Variants in ZHX2 observed in about 807,000 individuals in gnomAD.
ZHX2 encodes zinc fingers and homeoboxes protein 2.
A neutral mutation model predicts 21.9 loss-of-function variants in ZHX2; 6 were observed. The observed-to-expected ratio is 0.27, with a 90% CI of 0.15 to 0.54. The LOEUF is 0.54. Ranked by LOEUF, ZHX2 falls within the 20% of genes least tolerant of loss-of-function variation. The pLI is 0.95. For synonymous variants in ZHX2, 434 were observed against 437.1 expected (o/e 0.99, Z 0.09); for missense variants, 908 against 1,090.7 (o/e 0.83, Z 2.36).
chr8:122,946,548 T>C (rs987694889), intron 2 of ZHX2, among the ~76,000 whole-genome samples: 1 of 152,140 alleles, frequency 6.6e-6, no homozygotes, highest in Non-Finnish European at 1.5e-5. Context: ...ATTTTACCAC[T>C]ATTCACCTCA....
intron 2 of ZHX2, among the ~76,000 whole-genome samples, chr8:122,865,191 C>G (rs1330169226): frequency 6.6e-6 from 1 of 151,372 alleles, no homozygotes; most frequent in South Asian, 2.1e-4. Flanking sequence ...TGCAGTGGCA[C>G]GATCTCTGCT....
intron 1 of ZHX2, among the ~76,000 whole-genome samples, chr8:122,805,573 G>A (rs1054953392): frequency 3.3e-5 from 5 of 152,304 alleles, no homozygotes; most frequent in East Asian, 1.9e-4. Flanking sequence ...TTTAAAAGTC[G>A]TCAGTCCCAC....
intron 1 of ZHX2, among the ~76,000 whole-genome samples, chr8:122,852,462 G>A (rs1000086017): frequency 1.3e-5 from 2 of 151,974 alleles, no homozygotes; most frequent in Non-Finnish European, 2.9e-5. Flanking sequence ...AGTAGTCACC[G>A]AGACACAGAG....
At chr8:122,933,791 T>C (rs1242858233) in intron 2 of ZHX2, among the ~76,000 whole-genome samples, 2 of 152,202 alleles carry the variant, frequency 1.3e-5, no homozygotes, top group Non-Finnish European at 2.9e-5. Flanking sequence ...GCTCAGGGTG[T>C]AGAGTCATGA....
chr8:122,883,861 A>G (rs2129806724), intron 2 of ZHX2, among the ~76,000 whole-genome samples: 1 of 152,348 alleles, frequency 6.6e-6, no homozygotes, highest in East Asian at 1.9e-4. Context: ...TTAATGCATG[A>G]CGTAAATTGA....
chr8:122,845,520 A>G (rs1248019019), intron 1 of ZHX2, among the ~76,000 whole-genome samples: 2 of 152,244 alleles, frequency 1.3e-5, no homozygotes, highest in Non-Finnish European at 2.9e-5. Flanking sequence ...GTGGTCTCCA[A>G]TAATACCTTG....
chr8:122,780,779 T>C (rs62523897), upstream of ZHX2: 1 of 152,232 alleles, frequency 6.6e-6, no homozygotes, highest in African/African-American at 2.4e-5. Context: ...GAGGGACTTC[T>C]CTGCGAGCAC....
rs183377116 is a variant in ZHX2 at position 122,954,060 on chromosome 8, G to A, written c.*4+32G>A. On this transcript the variant is annotated intron_variant, in intron 3 of 3. Transcript: ENST00000314393. ...CCACCTGCTCACCCAGGCAGCAGGG[G>A]AGAACGCAGCTTGCTTTCTTTTCGT... 6.5e-6 allele frequency: 10 copies of A among 1,528,744 alleles called. No individual in the cohort carries two copies. In the South Asian group the frequency reaches 1.2e-4, roughly 18 times the overall value. The allele number at this position is 1,528,744 out of a possible 1,614,324, so 94.7% of individuals were successfully genotyped here. A position where few individuals can be genotyped will look rare whatever the true frequency, so the allele number is the denominator to read the frequency against.
intron 1 of ZHX2, among the ~76,000 whole-genome samples, chr8:122,793,196 A>G (rs1817553396): frequency 6.6e-6 from 1 of 152,186 alleles, no homozygotes; most frequent in South Asian, 2.1e-4. Context: ...TCATGTTGTC[A>G]TTGGCATATG....
chr8:122,858,042 G>A (rs1307509406), intron 1 of ZHX2, among the ~76,000 whole-genome samples: 1 of 152,234 alleles, frequency 6.6e-6, no homozygotes. Flanking sequence ...ACAAAGACAG[G>A]TCACTGAAGA....
chr8:122,878,067 A>G (rs1384977264), intron 2 of ZHX2, among the ~76,000 whole-genome samples: 1 of 129,398 alleles, frequency 7.7e-6, no homozygotes, highest in Non-Finnish European at 1.6e-5. Context: ...ATGTCGGTAA[A>G]AGTTCTGTGT....
Position 122,855,649 on chromosome 8 carries a change from A to AT in ZHX2, c.-282-7821dup, listed in dbSNP as rs145737856. ...AGTACATTTATGCGCTCACACACAC[A>AT]TTTTTTTCTTTAAAAAAAGAAGTTT... On this transcript the variant is annotated intron_variant, in intron 1 of 3. Transcript: ENST00000314393. Among the ~76,000 whole-genome samples the AT allele has an allele frequency of 6.6e-5, 10 of 151,976 alleles. No individual in the cohort carries two copies. In the East Asian group the frequency reaches 7.7e-4, roughly 12 times the overall value.
chr8:122,929,874 G>A (rs552615719), intron 2 of ZHX2, among the ~76,000 whole-genome samples: 2 of 152,290 alleles, frequency 1.3e-5, no homozygotes, highest in East Asian at 3.9e-4. Flanking sequence ...TTTTGAAATT[G>A]ACTAATGTGT....
At chr8:122,862,830 A>G (rs927214979) in intron 1 of ZHX2, among the ~76,000 whole-genome samples, 7 of 152,154 alleles carry the variant, frequency 4.6e-5, no homozygotes, top group African/African-American at 1.7e-4. Flanking sequence ...TGCTCCGTGC[A>G]CATGTGCGCC....
intron 1 of ZHX2, among the ~76,000 whole-genome samples, chr8:122,849,170 A>G (rs1309915960): frequency 6.6e-6 from 1 of 152,182 alleles, no homozygotes; most frequent in Non-Finnish European, 1.5e-5. Context: ...TTGGAGGCCC[A>G]AGAGAGCCTG....
intron 1 of ZHX2, among the ~76,000 whole-genome samples, chr8:122,790,789 G>A (rs1817500699): frequency 1.3e-5 from 2 of 152,080 alleles, no homozygotes. Context: ...TGTATTTTTA[G>A]TAGAGACGGG....
At chr8:122,840,443 G>A (rs377439734) in intron 1 of ZHX2, among the ~76,000 whole-genome samples, 11 of 152,286 alleles carry the variant, frequency 7.2e-5, no homozygotes, top group African/African-American at 2.4e-4. Flanking sequence ...ACTGCAAAAT[G>A]GGAATAATGA....
chr8:122,959,853 C>G (rs1484180969), intron 3 of ZHX2, among the ~76,000 whole-genome samples: 1 of 152,194 alleles, frequency 6.6e-6, no homozygotes, highest in Non-Finnish European at 1.5e-5. Context: ...AATTCTGGAG[C>G]TTCTCACCCT....
chr8:122,953,977 G>A lies in ZHX2; in HGVS notation c.2467G>A (p.Ala823Thr), dbSNP rs1225190461. Residue 823 changes from alanine (A) to threonine (T), a missense_variant, in exon 3 of 4, where the codon GCT (alanine) becomes ACT (threonine). Ala to Thr is a moderately conservative substitution (Grantham distance 58, BLOSUM62 0). Transcript: ENST00000314393. The surrounding 1 kb of genome is among the most constrained non-coding windows in gnomAD (Gnocchi z 4.6). ...QAAAEGVSEL[A>T]ESDSDCVPAE... Reference sequence around the variant, plus strand: ...TGCGGCAGAAGGTGTGTCGGAACTGGCTGAATCAGACTCCGACTGCGTCCC... The same window carrying A: ...TGCGGCAGAAGGTGTGTCGGAACTGACTGAATCAGACTCCGACTGCGTCCC... 6.2e-7 allele frequency: 1 copy of A among 1,613,150 alleles called. No homozygotes were observed. The highest frequency in any genetic ancestry group is 8.5e-7 in the Non-Finnish European group (1 of 1,179,410).
Sources: gnomAD v4.1 joint callset for allele counts (sites outside exome capture counted in the v4.1 genomes callset) on GRCh38, gnomAD v4.1.1 for gene constraint, Gnocchi (gnomAD v3.1) non-coding constraint, MANE v1.5 for transcripts, NCBI Gene and HGNC (gene_info 2026-07-23, HGNC 2026-07-21) for gene names.